The following RARB variants were observed in gnomAD, a reference collection of about 807,000 sequenced individuals.
The protein encoded by RARB is retinoic acid receptor beta, also known as HBV-activated protein.
RARB carries 17 observed loss-of-function variants against 51.9 expected under a neutral mutation model. That is an observed-to-expected ratio of 0.33 (90% CI 0.22 to 0.49). The LOEUF (loss-of-function observed/expected upper bound fraction) is 0.49, where lower values mean the gene tolerates loss of function less well. Among genes scored for constraint, RARB ranks in the 20% least tolerant of loss-of-function variants. The probability of loss-of-function intolerance (pLI) is 0.99; values close to 1 mark genes in which losing one functional copy is unlikely to be tolerated. For synonymous variants in RARB, 215 were observed against 195.4 expected, an observed-to-expected ratio of 1.10 and a Z score of -0.84; for missense variants, 369 against 550.8, an observed-to-expected ratio of 0.67 and a Z score of 3.30.
intron 5 of RARB, among the ~76,000 whole-genome samples, chr3:25,181,637 C>T (rs1433124532): frequency 6.6e-6 from 1 of 152,154 alleles, no homozygotes; most frequent in East Asian, 1.9e-4. Flanking sequence ...CTGTTAAGAA[C>T]CACCCCTACC....
At chr3:25,522,522 A>T (rs1282912033) in intron 3 of RARB, among the ~76,000 whole-genome samples, 1 of 152,174 alleles carries the variant, frequency 6.6e-6, no homozygotes, top group Non-Finnish European at 1.5e-5. Flanking sequence ...GCCCAGGGAA[A>T]GGTGGCAGGT....
intron 3 of RARB, among the ~76,000 whole-genome samples, chr3:25,124,150 G>A (rs186060900): frequency 2.4e-4 from 37 of 152,254 alleles, no homozygotes; most frequent in Admixed American, 6.5e-4. Flanking sequence ...CAAGGTGGGT[G>A]GATCACGAGG....
rs115959514 is a variant in RARB, at chr3:25,272,500, C to T, written c.178+97925C>T. Reference sequence around the variant, plus strand: ...ATGCCCTGCCTTTGAAAGCTGGATCCGTTCCTACATCACTCAGGTATCCCC... The same window carrying T: ...ATGCCCTGCCTTTGAAAGCTGGATCTGTTCCTACATCACTCAGGTATCCCC... On this transcript the variant is annotated intron_variant, in intron 5 of 11. Transcript: ENST00000383772. 2.2e-3 allele frequency among the ~76,000 whole-genome samples: 336 copies of T among 152,300 alleles called. 1 individual carries two copies. The highest frequency in any genetic ancestry group is 7.1e-3 in the African/African-American group (293 of 41,558).
chr3:25,419,689 T>C (rs1031019957), intron 5 of RARB, among the ~76,000 whole-genome samples: 1 of 152,168 alleles, frequency 6.6e-6, no homozygotes, highest in African/African-American at 2.4e-5. Context: ...TAGCTCTGGG[T>C]GTGAAGCCCT....
chr3:25,377,085 GT>G (rs1706484324), intron 5 of RARB, among the ~76,000 whole-genome samples: 1 of 152,054 alleles, frequency 6.6e-6, no homozygotes, highest in African/African-American at 2.4e-5. Context: ...ACCCATCTTG[GT>G]TTTGCTTTTT....
At chr3:24,871,096 A>G (rs1009968766) in intron 2 of RARB, among the ~76,000 whole-genome samples, 2 of 152,010 alleles carry the variant, frequency 1.3e-5, no homozygotes, top group African/African-American at 4.8e-5. Context: ...AGGTTTAATT[A>G]TTAGTACACT....
chr3:25,211,442 A>G (rs951054755), intron 5 of RARB, among the ~76,000 whole-genome samples: 1 of 152,224 alleles, frequency 6.6e-6, no homozygotes, highest in Non-Finnish European at 1.5e-5. Flanking sequence ...AGTTCCCAGA[A>G]TATAGTATGT....
At chr3:25,239,725 C>A (rs79821792) in intron 5 of RARB, among the ~76,000 whole-genome samples, 14,072 of 152,090 alleles carry the variant, frequency 0.093, 1,395 homozygotes, top group African/African-American at 0.24. Context: ...ATTTCGAAAT[C>A]TAATAGTGTG....
chr3:25,090,077 G>A (rs912262085), intron 3 of RARB, among the ~76,000 whole-genome samples: 1 of 152,092 alleles, frequency 6.6e-6, no homozygotes, highest in Non-Finnish European at 1.5e-5. Context: ...TAGTTAATCT[G>A]AATGAAAGCA....
At chr3:24,957,481 C>A (rs1374663337) in intron 2 of RARB, among the ~76,000 whole-genome samples, 1 of 152,136 alleles carries the variant, frequency 6.6e-6, no homozygotes, top group East Asian at 1.9e-4. Flanking sequence ...CTTTACTGTT[C>A]TTTTGGGAGA....
chr3:25,120,232 A>C (rs1053994631), intron 3 of RARB, among the ~76,000 whole-genome samples: 2 of 152,142 alleles, frequency 1.3e-5, no homozygotes, highest in African/African-American at 4.8e-5. Flanking sequence ...ATAAATGGCA[A>C]CTGACATTTG....
intron 2 of RARB, among the ~76,000 whole-genome samples, chr3:25,476,400 G>T (rs555442824): frequency 2.6e-5 from 4 of 151,968 alleles, no homozygotes; most frequent in Non-Finnish European, 5.9e-5. Context: ...CTTAATAAGA[G>T]GTTTATGTAA....
At chr3:25,564,705 G>A in intron 3 of RARB, among the ~76,000 whole-genome samples, 1 of 152,110 alleles carries the variant, frequency 6.6e-6, no homozygotes, top group East Asian at 1.9e-4. Context: ...AGTAACATGT[G>A]GCCCTTGCCT....
intron 2 of RARB, among the ~76,000 whole-genome samples, chr3:24,889,605 A>G (rs757394589): frequency 1.3e-5 from 2 of 149,916 alleles, no homozygotes; most frequent in Admixed American, 6.7e-5. Flanking sequence ...TTTGTTTTTA[A>G]TTTCTATTAT....
chr3:25,281,485 C>G (rs906237777), intron 5 of RARB, among the ~76,000 whole-genome samples: 1 of 152,160 alleles, frequency 6.6e-6, no homozygotes, highest in South Asian at 2.1e-4. Flanking sequence ...TATTCTCTTA[C>G]GGGTGAACCA....
intron 2 of RARB, among the ~76,000 whole-genome samples, chr3:25,016,687 T>C (rs1395736246): frequency 6.6e-6 from 1 of 152,142 alleles, no homozygotes; most frequent in African/African-American, 2.4e-5. Flanking sequence ...CCTCATGGTG[T>C]GGCAGAAATT....
chr3:24,901,495 C>T (rs1703604231), intron 2 of RARB, among the ~76,000 whole-genome samples: 2 of 152,194 alleles, frequency 1.3e-5, no homozygotes, highest in Admixed American at 1.3e-4. Flanking sequence ...CCTGCCTCAA[C>T]CTCTCTACTA....
rs140948704 is a variant in RARB at position 25,411,955 on chromosome 3, C to T, written c.179-49238C>T. Among the ~76,000 whole-genome samples, 5 of 152,324 alleles carry T rather than the reference C, an allele frequency of 3.3e-5. No individual in the cohort carries two copies. In the East Asian group the frequency reaches 9.6e-4, roughly 29 times the overall value. On this transcript the variant is annotated intron_variant, in intron 5 of 11. Transcript: ENST00000383772. ...CTAGGTAGGAAGAGGGCAGAAGCAG[C>T]TGACGTTGGGGAAATGGAAAACTGC... is the stretch of plus-strand genomic sequence containing the variant.
intron 2 of RARB, among the ~76,000 whole-genome samples, chr3:24,924,516 T>C (rs776886312): frequency 1.3e-5 from 2 of 152,194 alleles, no homozygotes; most frequent in African/African-American, 2.4e-5. Flanking sequence ...AAAATTTTCA[T>C]TTAATGTTTT....
Sources: allele counts gnomAD v4.1 joint callset (sites outside exome capture counted in the v4.1 genomes callset), GRCh38; gene constraint gnomAD v4.1.1; transcripts MANE v1.5; gene names NCBI Gene and HGNC (gene_info 2026-07-23, HGNC 2026-07-21).